The following MCC variants were observed in gnomAD, a reference collection of about 807,000 sequenced individuals.
MCC encodes the protein MCC regulator of Wnt signaling pathway, also known as colorectal mutant cancer protein.
A neutral mutation model predicts 116.2 loss-of-function variants in MCC; 90 were observed. The observed-to-expected ratio is 0.77, with a 90% confidence interval of 0.65 to 0.92. The LOEUF (loss-of-function observed/expected upper bound fraction) is 0.92, where lower values mean the gene tolerates loss of function less well. Ranked by LOEUF, MCC falls within the 40% of genes least tolerant of loss-of-function variation. The probability of loss-of-function intolerance (pLI) is 0.00; values close to 1 mark genes in which losing one functional copy is unlikely to be tolerated. For synonymous variants in MCC, 578 were observed against 510.5 expected, an observed-to-expected ratio of 1.13 and a Z score of -1.78; for missense variants, 1,516 against 1,312.2, an observed-to-expected ratio of 1.16 and a Z score of -2.40.
At chr5:113,261,829 G>A (rs948800132) in intron 3 of MCC, among the ~76,000 whole-genome samples, 1 of 152,138 alleles carries the variant, frequency 6.6e-6, no homozygotes, top group Admixed American at 6.5e-5. Context: ...AATGGGCTTT[G>A]TCCAAAATTC....
At chr5:113,428,207 A>T (rs1385225897) in intron 1 of MCC, among the ~76,000 whole-genome samples, 1 of 152,168 alleles carries the variant, frequency 6.6e-6, no homozygotes, top group African/African-American at 2.4e-5. Flanking sequence ...TACAAGGATG[A>T]TCTCTTAACC....
chr5:113,336,842 G>A lies in MCC; in HGVS notation c.627+3677C>T, dbSNP rs1367330477. On this transcript the variant is annotated intron_variant, in intron 3 of 18. Coordinates refer to ENST00000408903, the MANE Select transcript of MCC (RefSeq NM_001085377.2). ...TATGTTAAGCCTCATGGTATCCACT[G>A]TCTTAGGTAGAAGGAGAAGACTGGT... is the stretch of plus-strand genomic sequence containing the variant. Among the ~76,000 whole-genome samples the A allele has an allele frequency of 3.9e-5, 6 of 152,224 alleles. No individual in the cohort carries two copies. In the East Asian group the frequency reaches 1.2e-3, roughly 29 times the overall value.
chr5:113,407,009 C>G (rs1769854915), intron 1 of MCC, among the ~76,000 whole-genome samples: 1 of 152,092 alleles, frequency 6.6e-6, no homozygotes, highest in Non-Finnish European at 1.5e-5. Context: ...GATGCAGCCC[C>G]TAAATATAAA....
chr5:113,241,968 T>A (rs951000718), intron 3 of MCC, among the ~76,000 whole-genome samples: 2 of 152,212 alleles, frequency 1.3e-5, no homozygotes, highest in African/African-American at 2.4e-5. Context: ...TGGCCATATA[T>A]TCAAGGAACT....
At chr5:113,044,434 C>A in intron 16 of MCC, 1 of 952,342 alleles carries the variant, frequency 1.1e-6, no homozygotes, top group South Asian at 4.9e-5. Flanking sequence ...ACAGAGAGGA[C>A]AGCAGCCACA....
chr5:113,037,394 G>T (rs942383522), intron 17 of MCC, among the ~76,000 whole-genome samples: 2 of 152,162 alleles, frequency 1.3e-5, no homozygotes, highest in Non-Finnish European at 2.9e-5. Flanking sequence ...GGCCACTGAT[G>T]GGTAAAGAGT....
intron 2 of MCC, among the ~76,000 whole-genome samples, chr5:113,373,346 A>G (rs2150389596): frequency 6.6e-6 from 1 of 152,256 alleles, no homozygotes; most frequent in East Asian, 1.9e-4. Flanking sequence ...ATATTCTAAA[A>G]AATAATAAAG....
chr5:113,075,532 T>C (rs1754380497), intron 11 of MCC, among the ~76,000 whole-genome samples: 1 of 152,196 alleles, frequency 6.6e-6, no homozygotes, highest in Admixed American at 6.5e-5. Context: ...AACTTTTAAG[T>C]CTAGCTGGAG....
At chr5:113,329,859 C>T (rs1334887216) in intron 3 of MCC, among the ~76,000 whole-genome samples, 2 of 152,136 alleles carry the variant, frequency 1.3e-5, no homozygotes, top group African/African-American at 4.8e-5. Flanking sequence ...GGGCTCCCTT[C>T]TACTTAGAAG....
intron 2 of MCC, among the ~76,000 whole-genome samples, chr5:113,358,704 G>A (rs924072182): frequency 2.0e-5 from 3 of 152,116 alleles, no homozygotes; most frequent in Non-Finnish European, 2.9e-5. Flanking sequence ...CAAGAAGCAT[G>A]GGATAATTTT....
chr5:113,084,305 A>C, intron 9 of MCC, 115 bp from the exon 10 acceptor site: 1 of 780,850 alleles, frequency 1.3e-6, no homozygotes, highest in Non-Finnish European at 2.1e-6. Context: ...TGATTAAAGA[A>C]CTTAAGAACA....
At chr5:113,278,507 G>A (rs1765913718) in intron 3 of MCC, among the ~76,000 whole-genome samples, 1 of 152,230 alleles carries the variant, frequency 6.6e-6, no homozygotes. Flanking sequence ...TAGACCGGGG[G>A]TGGCAACATC....
intron 5 of MCC, among the ~76,000 whole-genome samples, chr5:113,132,199 T>C (rs1322119101): frequency 6.6e-6 from 1 of 151,674 alleles, no homozygotes; most frequent in Non-Finnish European, 1.5e-5. Flanking sequence ...TAAACATTAT[T>C]CCTAACAATA....
chr5:113,458,691 A>T (rs1771651734), intron 1 of MCC, among the ~76,000 whole-genome samples: 1 of 152,210 alleles, frequency 6.6e-6, no homozygotes, highest in South Asian at 2.1e-4. Context: ...CTAGCATAAC[A>T]AGAGCACTGG....
Position 113,027,425 on chromosome 5 carries a change from C to T in MCC, c.2937G>A (p.Lys979=). 4.3e-6 allele frequency: 7 copies of T among 1,614,238 alleles called. No individual in the cohort carries two copies. Among genetic ancestry groups the T allele is most frequent in the Non-Finnish European group, 5.9e-6 (7 of 1,180,032 alleles). ...CCATGGCCATCATCTGCGACTCTAA[C>T]TTCTTCAGTTTGTTTTGATGCTTTT... ...AKKKHQNKLK[K]LESQMMAMVE... is the part of the protein sequence containing the mutation. Residue 979 remains lysine, a synonymous_variant, in exon 19 of 19, where the codon AAG becomes AAA. Transcript: ENST00000408903.
At chr5:113,285,346 G>GC in intron 3 of MCC, among the ~76,000 whole-genome samples, 1 of 86,206 alleles carries the variant, frequency 1.2e-5, no homozygotes, top group South Asian at 3.8e-4. Context: ...TGCCTACCCC[G>GC]CCCCCCACCC....
intron 1 of MCC, among the ~76,000 whole-genome samples, chr5:113,419,025 T>C (rs976794943): frequency 1.3e-5 from 2 of 152,190 alleles, no homozygotes; most frequent in Non-Finnish European, 2.9e-5. Context: ...GGAAAAAGTT[T>C]GGCAATTCCT....
At chr5:113,094,640 T>G (rs1162051044) in intron 8 of MCC, among the ~76,000 whole-genome samples, 1 of 152,134 alleles carries the variant, frequency 6.6e-6, no homozygotes. Flanking sequence ...CAGGCTGGTC[T>G]CGAACTCCTG....
In MCC at chr5:113,434,761, T is replaced by C; in HGVS notation, c.171-49549A>G. On this transcript the variant is annotated intron_variant, in intron 1 of 18. Transcript: ENST00000408903. This position sits in a 1 kb window ranked among gnomAD's most constrained non-coding sequence, Gnocchi z 4.2. The stretch of plus-strand genomic sequence containing the variant: ...TTCAGGCGCTCAGAGTAAGCAGATT[T>C]TACTTTTGCATAGGAGCCCTCTCCT... 6.2e-7 allele frequency: 1 copy of C among 1,613,994 alleles called. No homozygotes were observed.
Sources: gnomAD v4.1 joint callset for allele counts (sites outside exome capture counted in the v4.1 genomes callset) on GRCh38, gnomAD v4.1.1 for gene constraint, Gnocchi (gnomAD v3.1) non-coding constraint, MANE v1.5 for transcripts, NCBI Gene and HGNC (gene_info 2026-07-23, HGNC 2026-07-21) for gene names.